MYO7A: variants seen among roughly 807,000 people sequenced by gnomAD.
MYO7A encodes myosin VIIA.
A neutral mutation model predicts 263.8 loss-of-function variants in MYO7A; 210 were observed. The ratio of observed to expected loss-of-function variants is 0.80; its 90% CI spans 0.71 to 0.89. The LOEUF is 0.89. Ranked by LOEUF, MYO7A falls within the 40% of genes least tolerant of loss-of-function variation. MYO7A has a pLI of 0.00. For synonymous variants in MYO7A, 1,239 were observed against 1,197.3 expected, an observed-to-expected ratio of 1.03 and a Z score of -0.72; for missense variants, 2,820 against 2,968.3, an observed-to-expected ratio of 0.95 and a Z score of 1.16.
At position 77,201,578 on chromosome 11, in the gene MYO7A, C is replaced by T. The variant is rs111033331; in HGVS notation, c.4983C>T (p.Asp1661=). 8.0e-5 allele frequency: 129 copies of T among 1,613,792 alleles called. No homozygotes were observed. Among genetic ancestry groups the T allele is most frequent in the Admixed American group, 1.3e-4 (8 of 59,998 alleles). The part of the protein sequence containing the change: ...GINERTKQRG[D]FPTDSVYVMP... ...ATGAGAGGACCAAGCAGCGTGGGGA[C>T]TTCCCCACCGACAGTGTGTACGTCA... Residue 1661 remains aspartate (D), a synonymous_variant, in exon 36 of 49, where the codon GAC becomes GAT. Coordinates refer to ENST00000409709, the MANE Select transcript of MYO7A (RefSeq NM_000260.4).
At chr11:77,183,806 GA>G (rs1955448647) in intron 26 of MYO7A, among the ~76,000 whole-genome samples, 1 of 152,140 alleles carries the variant, frequency 6.6e-6, no homozygotes, top group African/African-American at 2.4e-5. Flanking sequence ...CTCCACTGCA[GA>G]GTCAGGGGCT....
intron 47 of MYO7A, among the ~76,000 whole-genome samples, chr11:77,213,422 G>T (rs955892167): frequency 6.6e-6 from 1 of 152,212 alleles, no homozygotes; most frequent in Non-Finnish European, 1.5e-5. Flanking sequence ...AAGAGGGCTC[G>T]TGACCACCAT....
intron 31 of MYO7A, 134 bp downstream of exon 31, chr11:77,192,412 C>A: frequency 1.1e-6 from 1 of 894,148 alleles, no homozygotes; most frequent in Non-Finnish European, 1.8e-6. Flanking sequence ...AGGCACTCTT[C>A]AGGCTCCTGG....
intron 17 of MYO7A, among the ~76,000 whole-genome samples, chr11:77,175,160 A>G (rs1197043800): frequency 6.6e-6 from 1 of 152,140 alleles, no homozygotes; most frequent in African/African-American, 2.4e-5. Flanking sequence ...CGGGCCCTGG[A>G]TGTCAGTTGT....
At position 77,204,102 on chromosome 11, in the gene MYO7A, C is replaced by A. The variant is rs985510524; in HGVS notation, c.5353C>A (p.Pro1785Thr). ...TGTGCTCAAGTACATGGGCGACTAC[C>A]CGTCCAAGAGGACACGCTCCGTCAA... ...IAVLKYMGDY[P>T]SKRTRSVNEL... Residue 1785 changes from proline (P) to threonine (T), a missense_variant, in exon 39 of 49, where the codon CCG (proline) becomes ACG (threonine). By Grantham distance (38) the Pro-to-Thr change is conservative. Coordinates refer to ENST00000409709, the MANE Select transcript of MYO7A (RefSeq NM_000260.4). 2 of 1,601,532 alleles carry A rather than the reference C, an allele frequency of 1.2e-6. No individual in the cohort carries two copies. The highest frequency in any genetic ancestry group is 1.7e-6 in the Non-Finnish European group (2 of 1,174,260).
chr11:77,184,714 C>A lies in MYO7A; in HGVS notation c.3502C>A (p.Arg1168=). 6.4e-7 allele frequency: 1 copy of A among 1,556,492 alleles called. No homozygotes were observed. Among genetic ancestry groups the A allele is most frequent in the Non-Finnish European group, 8.7e-7 (1 of 1,149,846 alleles). Reference sequence around the variant, plus strand: ...CAATGGCATCCTGCGGCCAGCACTCCGGTCAGTGCCGGGAGGCGGGGACAC... The same window carrying A: ...CAATGGCATCCTGCGGCCAGCACTCAGGTCAGTGCCGGGAGGCGGGGACAC... ...IGNGILRPAL[R]DEIYCQISKQ... The change falls in exon 27 of 49, where the codon CGG becomes AGG. Residue 1168 remains arginine (R), a splice_region_variant and synonymous_variant. Coordinates refer to ENST00000409709, the MANE Select transcript of MYO7A (RefSeq NM_000260.4).
rs886048676 is a variant in MYO7A, at chr11:77,175,423, C to T, written c.2146C>T (p.His716Tyr). Reference sequence around the variant, plus strand: ...CATGGCTGAGGCTGTGCTGGGCACCCACGATGACTGGCAGATAGGCAAAAC... The same window carrying T: ...CATGGCTGAGGCTGTGCTGGGCACCTACGATGACTGGCAGATAGGCAAAAC... ...QRMAEAVLGT[H>Y]DDWQIGKTKI... is the part of the protein sequence containing the mutation. The change falls in exon 18 of 49, where the codon CAC becomes TAC. Residue 716 changes from histidine (H) to tyrosine (Y), a missense_variant. Physicochemically the swap from His to Tyr is moderately conservative, Grantham distance 83. Coordinates refer to ENST00000409709, the MANE Select transcript of MYO7A (RefSeq NM_000260.4). The T allele has an allele frequency of 6.2e-7, 1 of 1,613,274 alleles. No homozygotes were observed. The highest frequency in any genetic ancestry group is 8.5e-7 in the Non-Finnish European group (1 of 1,179,890).
At position 77,169,207 on chromosome 11, in the gene MYO7A, C is replaced by G. The variant is rs572306759; in HGVS notation, c.1797+3045C>G. Reference sequence around the variant, plus strand: ...CCTCTTGCAGTGAGTGATCTGCACTCCCATCATCGGCAGATCCCCGAGCCC... The same window carrying G: ...CCTCTTGCAGTGAGTGATCTGCACTGCCATCATCGGCAGATCCCCGAGCCC... On this transcript the variant is annotated intron_variant, in intron 15 of 48. Transcript: ENST00000409709. 1.4e-4 allele frequency among the ~76,000 whole-genome samples: 21 copies of G among 152,370 alleles called. 1 individual carries two copies. Among genetic ancestry groups the G allele is most frequent in the Middle Eastern group, 6.8e-3 (2 of 294 alleles).
rs1555064182 is a variant in MYO7A at position 77,157,361 on chromosome 11, G to A, written c.818G>A (p.Gly273Asp). Residue 273 changes from glycine (G) to aspartate (D), a missense_variant, in exon 8 of 49, where the codon GGC (glycine) becomes GAC (aspartate). Physicochemically the swap from Gly to Asp is moderately conservative, Grantham distance 94. Transcript: ENST00000409709. ...GATCAGAAGAAGAAGCTGGGCTTGG[G>A]CCAGGCCTCTGACTACAACTACTTG... ...SEDQKKKLGL[G>D]QASDYNYLAM... is the part of the protein sequence containing the mutation. The A allele has an allele frequency of 1.2e-6, 2 of 1,610,966 alleles. No homozygotes were observed. Among genetic ancestry groups the A allele is most frequent in the Non-Finnish European group, 1.7e-6 (2 of 1,178,642 alleles).
rs1591490822 is a variant in MYO7A, at chr11:77,207,306, C to T, written c.5760C>T (p.Ser1920=). ...DDTDEAFEVE[S]STKAKDFCQN... is the part of the protein sequence containing the mutation. ...CCTCCCAGGCCTTCGAAGTGGAGTCCAGCACCAAGGCCAAGGACTTCTGCC... is the reference window on the plus strand; with the variant it reads ...CCTCCCAGGCCTTCGAAGTGGAGTCTAGCACCAAGGCCAAGGACTTCTGCC... Residue 1920 remains serine (S), a synonymous_variant, in exon 42 of 49, where the codon TCC becomes TCT. Transcript: ENST00000409709. 6.2e-7 allele frequency: 1 copy of T among 1,611,562 alleles called. No individual in the cohort carries two copies. Among genetic ancestry groups the T allele is most frequent in the Non-Finnish European group, 8.5e-7 (1 of 1,178,896 alleles).
chr11:77,156,234 C>T, intron 5 of MYO7A, 143 bp downstream of exon 5: 1 of 887,996 alleles, frequency 1.1e-6, no homozygotes, highest in Non-Finnish European at 1.7e-6. Context: ...GTACTCTGTG[C>T]TGTGTAACAA....
chr11:77,154,008 G>A (rs923734603), intron 4 of MYO7A, among the ~76,000 whole-genome samples: 13 of 152,304 alleles, frequency 8.5e-5, no homozygotes, highest in African/African-American at 2.4e-4. Context: ...CCAGCTACTC[G>A]AGACGTGGAG....
In MYO7A at chr11:77,202,437, G is replaced by A. The variant is rs1383735638; in HGVS notation, c.5168+13G>A. On this transcript the variant is annotated intron_variant, in intron 37 of 48. Transcript: ENST00000409709. ...ATGACTACTTCAGGTGATGCCTCCT[G>A]GGGAAGGATGGGAGCCACAGGGCTA... 2 of 1,548,562 alleles carry A rather than the reference G, an allele frequency of 1.3e-6. No homozygotes were observed. Among genetic ancestry groups the A allele is most frequent in the South Asian group, 1.2e-5 (1 of 83,960 alleles).
At chr11:77,204,662 TCTC>T (rs947512659) in intron 39 of MYO7A, among the ~76,000 whole-genome samples, 2 of 152,000 alleles carry the variant, frequency 1.3e-5, no homozygotes, top group South Asian at 2.1e-4. Flanking sequence ...GGTGCCACCT[TCTC>T]CTCCCGCTGG....
intron 3 of MYO7A, 45 bp downstream of exon 3, chr11:77,142,867 A>G: frequency 6.9e-7 from 1 of 1,451,790 alleles, no homozygotes. Context: ...TTGGGGTCAG[A>G]CCTGGGCTGA....
chr11:77,210,647 T>A (rs2135780318), intron 44 of MYO7A, among the ~76,000 whole-genome samples: 1 of 152,318 alleles, frequency 6.6e-6, no homozygotes, highest in Non-Finnish European at 1.5e-5. Context: ...ATCTCTGCTC[T>A]GGGCCCATTC....
In MYO7A at chr11:77,160,220, G is replaced by A. The variant is rs876657913; in HGVS notation, c.1138G>A (p.Glu380Lys). Residue 380 changes from glutamate (E) to lysine (K), a missense_variant, in exon 11 of 49, where the codon GAG (glutamate) becomes AAG (lysine). Coordinates refer to ENST00000409709, the MANE Select transcript of MYO7A (RefSeq NM_000260.4). Reference sequence around the variant, plus strand: ...TAGCCGCACCCTCATCACCCGCGGGGAGACGGTGTCCACCCCACTGAGCAG... The same window carrying A: ...TAGCCGCACCCTCATCACCCGCGGGAAGACGGTGTCCACCCCACTGAGCAG... ...LTSRTLITRG[E>K]TVSTPLSREQ... is the part of the protein sequence containing the mutation. 10 of 1,582,098 alleles carry A rather than the reference G, an allele frequency of 6.3e-6. No homozygotes were observed. The highest frequency in any genetic ancestry group is 8.6e-6 in the Non-Finnish European group (10 of 1,164,724).
At chr11:77,148,822 G>A (rs534208369) in intron 4 of MYO7A, among the ~76,000 whole-genome samples, 2 of 152,148 alleles carry the variant, frequency 1.3e-5, no homozygotes, top group Admixed American at 1.3e-4. Context: ...TAATAAAAAT[G>A]GTGAGAAGAG....
At chr11:77,192,938 A>T (rs61900016) in intron 31 of MYO7A, among the ~76,000 whole-genome samples, 193 of 6,334 alleles carry the variant, frequency 0.03, 2 homozygotes, top group African/African-American at 0.15. Flanking sequence ...GTTGTTTGTG[A>T]TGGTGGAGGT....
Sources: allele counts gnomAD v4.1 joint callset (sites outside exome capture counted in the v4.1 genomes callset), GRCh38; gene constraint gnomAD v4.1.1; transcripts MANE v1.5; gene names NCBI Gene and HGNC (gene_info 2026-07-23, HGNC 2026-07-21).